The following HECTD2 variants were observed in gnomAD, a reference collection of about 807,000 sequenced individuals.
The protein encoded by HECTD2 is probable E3 ubiquitin-protein ligase HECTD2.
A neutral mutation model predicts 103.2 loss-of-function variants in HECTD2; 35 were observed. The ratio of observed to expected loss-of-function variants is 0.34; its 90% CI spans 0.26 to 0.45. The LOEUF (loss-of-function observed/expected upper bound fraction) is 0.45. HECTD2 is among the 20% of genes least tolerant of loss of function. The probability of loss-of-function intolerance (pLI) is 1.00; values close to 1 mark genes in which losing one functional copy is unlikely to be tolerated. For missense variants in HECTD2, 596 were observed against 937.4 expected, an observed-to-expected ratio of 0.64 and a Z score of 4.76; for synonymous variants, 281 against 329.9, an observed-to-expected ratio of 0.85 and a Z score of 1.61.
chr10:91,452,213 A>G (rs973386449), intron 2 of HECTD2, among the ~76,000 whole-genome samples: 2 of 152,154 alleles, frequency 1.3e-5, no homozygotes, highest in African/African-American at 4.8e-5. Context: ...GTAGGGCTAA[A>G]AAAGTAACCA....
chr10:91,451,313 T>G (rs1450072819), intron 2 of HECTD2, among the ~76,000 whole-genome samples: 2 of 151,348 alleles, frequency 1.3e-5, no homozygotes, highest in Non-Finnish European at 1.5e-5. Flanking sequence ...TAAGTGGGAG[T>G]TGAACAATGA....
At chr10:91,499,228 T>A (rs1426105933) in intron 18 of HECTD2, 78 bp downstream of exon 18, 6 of 755,838 alleles carry the variant, frequency 7.9e-6, no homozygotes, top group Non-Finnish European at 1.3e-5. Context: ...AATAAATATT[T>A]TAGTAGATAA....
chr10:91,421,978 A>AT (rs1412593213), intron 1 of HECTD2, among the ~76,000 whole-genome samples: 7 of 152,050 alleles, frequency 4.6e-5, no homozygotes, highest in African/African-American at 1.7e-4. Flanking sequence ...ATTCCCTATT[A>AT]TTACTATCTC....
At chr10:91,437,421 A>C (rs1266332189) in intron 2 of HECTD2, among the ~76,000 whole-genome samples, 1 of 152,044 alleles carries the variant, frequency 6.6e-6, no homozygotes, top group East Asian at 1.9e-4. Context: ...AGCCAAGCAC[A>C]AATGTTATTG....
At chr10:91,470,979 C>G (rs889206975) in intron 5 of HECTD2, among the ~76,000 whole-genome samples, 1 of 146,888 alleles carries the variant, frequency 6.8e-6, no homozygotes, top group Non-Finnish European at 1.5e-5. Flanking sequence ...CAGAGACACA[C>G]ACACACACAC....
intron 1 of HECTD2, among the ~76,000 whole-genome samples, chr10:91,420,052 G>GT (rs1398811884): frequency 3.3e-5 from 5 of 151,726 alleles, no homozygotes; most frequent in African/African-American, 7.3e-5. Context: ...AATGATGCCC[G>GT]TTTTTTTTCT....
At position 91,484,560 on chromosome 10, in the gene HECTD2, C is replaced by A. The variant is rs1366591305; in HGVS notation, c.875C>A (p.Ser292Tyr). The A allele has an allele frequency of 1.9e-6, 3 of 1,612,136 alleles. No homozygotes were observed. The highest frequency in any genetic ancestry group is 1.7e-6 in the Non-Finnish European group (2 of 1,178,790). Reference protein sequence around the residue: ...QLVERLLQFISLRLFPAKPEE... With the variant: ...QLVERLLQFIYLRLFPAKPEE... ...GTAGAGAGATTGCTGCAATTTATTT[C>A]TTTACGCCTGTTTCCTGCAAAGCCT... Residue 292 changes from serine (S) to tyrosine (Y), a missense_variant, in exon 9 of 21, where the codon TCT becomes TAT. By Grantham distance (144) the Ser-to-Tyr change is moderately radical. Transcript: ENST00000298068.
chr10:91,471,996 T>G (rs1845746207), intron 5 of HECTD2, among the ~76,000 whole-genome samples: 1 of 152,162 alleles, frequency 6.6e-6, no homozygotes, highest in African/African-American at 2.4e-5. Flanking sequence ...AAGAGTTTGA[T>G]TAGCCAAGGC....
chr10:91,423,141 C>A (rs889013800), intron 1 of HECTD2, among the ~76,000 whole-genome samples: 6 of 152,100 alleles, frequency 3.9e-5, no homozygotes, highest in African/African-American at 1.4e-4. Context: ...GTTCAACACA[C>A]GTACTGTCAC....
chr10:91,470,814 C>T (rs1845697552), intron 5 of HECTD2, among the ~76,000 whole-genome samples: 3 of 151,972 alleles, frequency 2.0e-5, no homozygotes. Context: ...CAAAAAAAGC[C>T]CAGAACCAAG....
At chr10:91,493,727 C>T (rs1210672664) in intron 14 of HECTD2, among the ~76,000 whole-genome samples, 1 of 151,764 alleles carries the variant, frequency 6.6e-6, no homozygotes, top group Non-Finnish European at 1.5e-5. Context: ...AAAACCTTAT[C>T]TCAAAATAAA....
chr10:91,409,289 G>A (rs1001322053), upstream of HECTD2: 1 of 152,198 alleles, frequency 6.6e-6, no homozygotes, highest in African/African-American at 2.4e-5. Flanking sequence ...GAAAGGAAAG[G>A]AAATTGTCTA....
chr10:91,463,886 C>G (rs2133212524), intron 5 of HECTD2, among the ~76,000 whole-genome samples: 1 of 152,310 alleles, frequency 6.6e-6, no homozygotes, highest in African/African-American at 2.4e-5. Flanking sequence ...TTGGCATGAT[C>G]TCCTAACATG....
chr10:91,505,163 A>T (rs1014391611), intron 20 of HECTD2, among the ~76,000 whole-genome samples: 4 of 152,100 alleles, frequency 2.6e-5, no homozygotes, highest in African/African-American at 9.7e-5. Context: ...AGCCGCTGCA[A>T]AATCATGCCA....
chr10:91,501,084 A>T, intron 19 of HECTD2, 107 bp from the exon 20 acceptor site: 2 of 865,514 alleles, frequency 2.3e-6, no homozygotes, highest in South Asian at 3.2e-5. Context: ...AATTCAGGAT[A>T]TTATGTATGC....
intron 1 of HECTD2, 135 bp downstream of exon 1, chr10:91,410,711 G>C: frequency 1.3e-6 from 1 of 788,590 alleles, no homozygotes; most frequent in South Asian, 3.7e-5. Flanking sequence ...CACTCAGGCC[G>C]CCCTTCCTTG....
At chr10:91,428,648 G>A (rs1425134289) in intron 2 of HECTD2, among the ~76,000 whole-genome samples, 1 of 151,874 alleles carries the variant, frequency 6.6e-6, no homozygotes, top group African/African-American at 2.4e-5. Flanking sequence ...AATTGTGAAT[G>A]GGAGTTCACT....
chr10:91,466,288 T>C (rs558748085), intron 5 of HECTD2, among the ~76,000 whole-genome samples: 1 of 152,274 alleles, frequency 6.6e-6, no homozygotes, highest in South Asian at 2.1e-4. Flanking sequence ...ATTTAGTAAT[T>C]AGTATTTTCT....
chr10:91,459,964 T>C (rs926867430), intron 2 of HECTD2, among the ~76,000 whole-genome samples: 1 of 152,122 alleles, frequency 6.6e-6, no homozygotes, highest in African/African-American at 2.4e-5. Context: ...GTAAGTACAT[T>C]GTATGATGTC....
Sources: allele counts gnomAD v4.1 joint callset (sites outside exome capture counted in the v4.1 genomes callset), GRCh38; gene constraint gnomAD v4.1.1; transcripts MANE v1.5; gene names NCBI Gene and HGNC (gene_info 2026-07-23, HGNC 2026-07-21).